Variants in SARAF observed in about 807,000 individuals in gnomAD.
SARAF encodes the protein store-operated calcium entry associated regulatory factor, also known as store-operated calcium entry-associated regulatory factor.
SARAF carries 23 observed loss-of-function variants against 39.7 expected under a neutral mutation model. The observed-to-expected ratio is 0.58, with a 90% CI of 0.42 to 0.82. The LOEUF (loss-of-function observed/expected upper bound fraction) is 0.82, where lower values mean the gene tolerates loss of function less well. Among genes scored for constraint, SARAF ranks in the 40% least tolerant of loss-of-function variants. The pLI, the probability that SARAF is intolerant of heterozygous loss-of-function variation, is 0.00. For synonymous variants in SARAF, 175 were observed against 168.5 expected, an observed-to-expected ratio of 1.04 and a Z score of -0.30; for missense variants, 384 against 418.5, an observed-to-expected ratio of 0.92 and a Z score of 0.72.
At chr8:30,077,055 A>G (rs1445742557) in intron 1 of SARAF, among the ~76,000 whole-genome samples, 1 of 152,202 alleles carries the variant, frequency 6.6e-6, no homozygotes, top group African/African-American at 2.4e-5. Flanking sequence ...ATATCCTCAG[A>G]GAGATAAGAG....
intron 1 of SARAF, among the ~76,000 whole-genome samples, chr8:30,076,109 C>T (rs759992840): frequency 1.3e-5 from 2 of 151,720 alleles, no homozygotes; most frequent in African/African-American, 2.4e-5. Context: ...CTCTCCCCAA[C>T]TCCACACTGT....
At position 30,063,180 on chromosome 8, in the gene SARAF, CTT is replaced by C. The variant is rs1801597386; in HGVS notation, c.*706_*707del. On this transcript the variant is annotated 3_prime_UTR_variant, in exon 6 of 6. Coordinates refer to ENST00000256255, the MANE Select transcript of SARAF (RefSeq NM_016127.6). ...TTGAGATTTCACAGAGAACTGCATG[CTT>C]TTGTTATTAAAAGACTTTTGTTGAA... is the stretch of plus-strand genomic sequence containing the variant. 1 of 152,168 alleles carries C rather than the reference CTT, an allele frequency of 6.6e-6. No individual in the cohort carries two copies. The highest frequency in any genetic ancestry group is 1.5e-5 in the Non-Finnish European group (1 of 68,030). 9.4% of individuals were successfully genotyped at this position (152,168 alleles called of 1,614,324 possible).
In SARAF at chr8:30,066,056, G is replaced by T. The variant is rs769030496; in HGVS notation, c.926C>A (p.Pro309His). Residue 309 changes from proline to histidine, a missense_variant, in exon 5 of 6, where the codon CCC becomes CAC. By Grantham distance (77) the Pro-to-His change is moderately conservative. Coordinates refer to ENST00000256255, the MANE Select transcript of SARAF (RefSeq NM_016127.6). ...ATAGCTGCCCGAGCCTCCATGAAGG[G>T]GTGAGTAAGCCCTATTCCACGTGCC... ...YPGTWNRAYS[P>H]LHGGSGSYSV... 66 of 1,613,962 alleles carry T rather than the reference G, an allele frequency of 4.1e-5. No homozygotes were observed. Among genetic ancestry groups the T allele is most frequent in the Non-Finnish European group, 5.5e-5 (65 of 1,180,018 alleles).
At chr8:30,083,079 C>T, upstream of SARAF, 3 of 618,272 alleles carry the variant, frequency 4.9e-6, no homozygotes, top group Non-Finnish European at 2.7e-6. Flanking sequence ...GACTGCAGAG[C>T]TGCAGCCGCA....
intron 3 of SARAF, among the ~76,000 whole-genome samples, chr8:30,069,281 A>G (rs1031917220): frequency 6.6e-6 from 1 of 151,678 alleles, no homozygotes; most frequent in Admixed American, 6.6e-5. Flanking sequence ...CTGGAATCAC[A>G]GGTGCCCGCC....
intron 1 of SARAF, 64 bp from the exon 2 acceptor site, chr8:30,074,119 C>T: frequency 6.5e-7 from 1 of 1,538,328 alleles, no homozygotes; most frequent in Non-Finnish European, 8.8e-7. Flanking sequence ...AAAGGTTCAT[C>T]CTAACGAAAC....
rs1802142704 is a variant in SARAF at position 30,082,922 on chromosome 8, C to A, written c.28G>T (p.Ala10Ser). The stretch of plus-strand genomic sequence containing the variant: ...AAGCCGAGGAGCAAGCAGTACCCGG[C>A]CGCTCCCGGCCCGCAGGCTGCGGCC... MAAACGPGA[A>S]GYCLLLGLHL... is the part of the protein sequence containing the mutation. Residue 10 changes from alanine (A) to serine (S), a missense_variant, in exon 1 of 6, where the codon GCC becomes TCC. By Grantham distance (99) the Ala-to-Ser change is moderately conservative. Coordinates refer to ENST00000256255, the MANE Select transcript of SARAF (RefSeq NM_016127.6). The A allele has an allele frequency of 3.9e-6, 6 of 1,550,320 alleles. No homozygotes were observed. In the East Asian group the frequency reaches 1.5e-4, roughly 38 times the overall value.
chr8:30,082,957 G>A lies in SARAF; in HGVS notation c.-8C>T. On this transcript the variant is annotated 5_prime_UTR_variant, in exon 1 of 6. Transcript: ENST00000256255. Reference sequence around the variant, plus strand: ...CCCGCAGGCTGCGGCCATGGCGCTCGATGAAGATGGCGCCGGGCTGCCAGA... The same window carrying A: ...CCCGCAGGCTGCGGCCATGGCGCTCAATGAAGATGGCGCCGGGCTGCCAGA... 2 of 1,539,380 alleles carry A rather than the reference G, an allele frequency of 1.3e-6. No homozygotes were observed. The highest frequency in any genetic ancestry group is 2.0e-5 in the Admixed American group (1 of 49,804).
intron 1 of SARAF, among the ~76,000 whole-genome samples, chr8:30,081,611 T>C (rs1233457949): frequency 6.6e-6 from 1 of 151,714 alleles, no homozygotes; most frequent in African/African-American, 2.4e-5. Context: ...GAATAGGCTA[T>C]TATAGAAATA....
intron 1 of SARAF, among the ~76,000 whole-genome samples, chr8:30,075,650 T>C (rs1011629846): frequency 1.3e-5 from 2 of 152,170 alleles, no homozygotes; most frequent in African/African-American, 4.8e-5. Context: ...CTGGCTGTCA[T>C]GAAGCTTGAC....
At position 30,066,949 on chromosome 8, in the gene SARAF, T is replaced by G. The variant is rs769159132; in HGVS notation, c.701-31A>C. On this transcript the variant is annotated intron_variant, in intron 3 of 5. Coordinates refer to ENST00000256255, the MANE Select transcript of SARAF (RefSeq NM_016127.6). The stretch of plus-strand genomic sequence containing the variant: ...AATAAAAATGATTTATTATGTATCC[T>G]CACTTAAACATGACAGTCTACAAAA... 3.2e-6 allele frequency: 5 copies of G among 1,543,948 alleles called. No homozygotes were observed. The South Asian group carries it at 5.7e-5, about 18-fold the overall frequency.
intron 5 of SARAF, among the ~76,000 whole-genome samples, chr8:30,065,357 C>A (rs898364414): frequency 6.6e-6 from 1 of 152,080 alleles, no homozygotes; most frequent in African/African-American, 2.4e-5. Context: ...ATATCCAAAC[C>A]AGCATTATGA....
chr8:30,078,400 C>T (rs762116754), intron 1 of SARAF: 3 of 246,720 alleles, frequency 1.2e-5, no homozygotes, highest in Non-Finnish European at 2.5e-5. Flanking sequence ...CAAAGGCACA[C>T]GAAAAGTAAA....
Position 30,082,957 on chromosome 8 carries a change from G to C in SARAF, c.-8C>G. 4.5e-6 allele frequency: 7 copies of C among 1,539,380 alleles called. No homozygotes were observed. The highest frequency in any genetic ancestry group is 1.2e-5 in the South Asian group (1 of 82,996). ...CCCGCAGGCTGCGGCCATGGCGCTC[G>C]ATGAAGATGGCGCCGGGCTGCCAGA... On this transcript the variant is annotated 5_prime_UTR_variant, in exon 1 of 6. In the 5' UTR this introduces an upstream ATG that the reference lacks. Coordinates refer to ENST00000256255, the MANE Select transcript of SARAF (RefSeq NM_016127.6).
chr8:30,066,143 T>A lies in SARAF; in HGVS notation c.843-4A>T. On this transcript the variant is annotated splice_region_variant and splice_polypyrimidine_tract_variant and intron_variant, in intron 4 of 5. Coordinates refer to ENST00000256255, the MANE Select transcript of SARAF (RefSeq NM_016127.6). ...GTCTGAGAAGGGTGTTGCCGCTCTT[T>A]AAAGGGATAAAAGTAGGTTAGGCAT... 6.2e-7 allele frequency: 1 copy of A among 1,612,486 alleles called. No homozygotes were observed. Among genetic ancestry groups the A allele is most frequent in the Non-Finnish European group, 8.5e-7 (1 of 1,179,026 alleles).
intron 1 of SARAF, chr8:30,082,244 A>T (rs1444002753): frequency 6.6e-6 from 1 of 152,422 alleles, no homozygotes; most frequent in Non-Finnish European, 1.5e-5. Flanking sequence ...AGGCCGAGGC[A>T]GGAGAATCTC....
At chr8:30,077,392 G>A (rs568197053) in intron 1 of SARAF, among the ~76,000 whole-genome samples, 4 of 152,286 alleles carry the variant, frequency 2.6e-5, no homozygotes, top group African/African-American at 4.8e-5. Flanking sequence ...TGGGGAGGTC[G>A]AGGCTGCAGT....
intron 2 of SARAF, among the ~76,000 whole-genome samples, chr8:30,070,755 G>A (rs1051555953): frequency 1.3e-5 from 2 of 152,028 alleles, no homozygotes; most frequent in Admixed American, 6.6e-5. Context: ...AGATGTTAAG[G>A]CTCAAAACAG....
At position 30,069,686 on chromosome 8, in the gene SARAF, T is replaced by A; in HGVS notation, c.656A>T (p.Asn219Ile). ...PFSHRYQRFT[N>I]SAGPPPPGFK... ...GCCTGGGGGAGGAGGTCCTGCTGAG[T>A]TGGTGAATCTCTGGTAACGGTGGGA... Residue 219 changes from asparagine to isoleucine, a missense_variant, in exon 3 of 6, where the codon AAC becomes ATC. Transcript: ENST00000256255. The A allele has an allele frequency of 1.9e-6, 3 of 1,614,034 alleles. No homozygotes were observed. The highest frequency in any genetic ancestry group is 2.5e-6 in the Non-Finnish European group (3 of 1,180,016).
Sources: allele counts gnomAD v4.1 joint callset (sites outside exome capture counted in the v4.1 genomes callset), GRCh38; gene constraint gnomAD v4.1.1; transcripts MANE v1.5; gene names NCBI Gene and HGNC (gene_info 2026-07-23, HGNC 2026-07-21).